SLC2A13: variants seen among roughly 807,000 people sequenced by gnomAD.
SLC2A13 encodes proton myo-inositol cotransporter.
A neutral mutation model predicts 64.4 loss-of-function variants in SLC2A13; 32 were observed. The ratio of observed to expected loss-of-function variants is 0.50; its 90% CI spans 0.37 to 0.67. The LOEUF is 0.67. SLC2A13 is among the 30% of genes least tolerant of loss of function. The pLI is 0.00. For synonymous variants in SLC2A13, 338 were observed against 327.1 expected, an observed-to-expected ratio of 1.03 and a Z score of -0.36; for missense variants, 743 against 829.2, an observed-to-expected ratio of 0.90 and a Z score of 1.28.
rs1025138650 is a variant in SLC2A13, at chr12:39,937,347, A to G, written c.1034+13910T>C. 5.9e-5 allele frequency among the ~76,000 whole-genome samples: 9 copies of G among 152,282 alleles called. No individual in the cohort carries two copies. In the East Asian group the frequency reaches 1.2e-3, roughly 20 times the overall value. The stretch of plus-strand genomic sequence containing the variant: ...TCTGGTCCCTGGCAGAGTGCCTGCT[A>G]CCTGTGTGTGTAAAGAGTGAATTAA... On this transcript the variant is annotated intron_variant, in intron 4 of 9. Coordinates refer to ENST00000280871, the MANE Select transcript of SLC2A13 (RefSeq NM_052885.4).
chr12:39,918,938 G>GCACACA (rs567663354), intron 4 of SLC2A13, among the ~76,000 whole-genome samples: 2 of 149,726 alleles, frequency 1.3e-5, no homozygotes, highest in South Asian at 2.1e-4. Flanking sequence ...TTATACACGC[G>GCACACA]CACACACACA....
chr12:40,031,991 A>G (rs144038396), intron 2 of SLC2A13, among the ~76,000 whole-genome samples: 55 of 152,276 alleles, frequency 3.6e-4, no homozygotes, highest in African/African-American at 1.3e-3. Flanking sequence ...TATTGATACA[A>G]GAGATCTCAT....
At chr12:39,890,987 T>G (rs1305920279) in intron 4 of SLC2A13, among the ~76,000 whole-genome samples, 2 of 152,158 alleles carry the variant, frequency 1.3e-5, no homozygotes, top group African/African-American at 4.8e-5. Context: ...GGTAAGATTA[T>G]GAATAATTTT....
intron 4 of SLC2A13, among the ~76,000 whole-genome samples, chr12:39,894,443 T>G (rs1014751878): frequency 2.0e-5 from 3 of 152,208 alleles, no homozygotes; most frequent in Admixed American, 1.3e-4. Context: ...CTAATACCTT[T>G]AATAAAAGGA....
intron 6 of SLC2A13, among the ~76,000 whole-genome samples, chr12:39,856,260 T>C: frequency 6.6e-6 from 1 of 152,192 alleles, no homozygotes; most frequent in African/African-American, 2.4e-5. Context: ...CATCCATCCA[T>C]TCATCCATCC....
intron 4 of SLC2A13, among the ~76,000 whole-genome samples, chr12:39,892,323 C>G (rs1944634396): frequency 2.0e-5 from 3 of 152,142 alleles, no homozygotes; most frequent in Admixed American, 2.0e-4. Context: ...AACAGCTGAG[C>G]TGACTTGTGT....
At chr12:40,100,706 G>A (rs1162616593) in intron 1 of SLC2A13, among the ~76,000 whole-genome samples, 1 of 152,144 alleles carries the variant, frequency 6.6e-6, no homozygotes, top group African/African-American at 2.4e-5. Context: ...GCTCACACCT[G>A]TAATCCCAGC....
At chr12:39,931,583 T>C (rs1469706132) in intron 4 of SLC2A13, among the ~76,000 whole-genome samples, 1 of 152,226 alleles carries the variant, frequency 6.6e-6, no homozygotes, top group Non-Finnish European at 1.5e-5. Flanking sequence ...GGAGGTTCTA[T>C]GATAGTAATG....
chr12:39,767,011 T>A (rs936738321), intron 7 of SLC2A13, among the ~76,000 whole-genome samples: 1 of 152,108 alleles, frequency 6.6e-6, no homozygotes, highest in Non-Finnish European at 1.5e-5. Flanking sequence ...CCTCCTCCCA[T>A]GAATCACGAA....
At chr12:40,094,442 G>C (rs1042427664) in intron 1 of SLC2A13, among the ~76,000 whole-genome samples, 9 of 152,206 alleles carry the variant, frequency 5.9e-5, no homozygotes, top group African/African-American at 2.2e-4. Flanking sequence ...ATGGGGGAAA[G>C]AGCAGCCTAC....
chr12:40,098,592 G>A (rs184859210), intron 1 of SLC2A13, among the ~76,000 whole-genome samples: 1 of 152,290 alleles, frequency 6.6e-6, no homozygotes, highest in Admixed American at 6.5e-5. Flanking sequence ...TCAGGGAGGA[G>A]TGAGTGAGTG....
chr12:39,929,900 G>A (rs1041785310), intron 4 of SLC2A13, among the ~76,000 whole-genome samples: 2 of 152,090 alleles, frequency 1.3e-5, no homozygotes. Flanking sequence ...GGATGCTGAG[G>A]AGGACGGATC....
At chr12:39,768,145 T>C (rs1232105897) in intron 7 of SLC2A13, among the ~76,000 whole-genome samples, 1 of 152,112 alleles carries the variant, frequency 6.6e-6, no homozygotes, top group African/African-American at 2.4e-5. Context: ...TTAAACCTCA[T>C]GAACCAACCT....
At position 40,018,524 on chromosome 12, in the gene SLC2A13, A is replaced by G. The variant is rs28370779; in HGVS notation, c.925+9777T>C. Among the ~76,000 whole-genome samples the G allele has an allele frequency of 7.5e-3, 1,147 of 152,328 alleles. 14 individuals are homozygous for G. The highest frequency in any genetic ancestry group is 0.026 in the African/African-American group (1,087 of 41,568). On this transcript the variant is annotated intron_variant, in intron 3 of 9. Coordinates refer to ENST00000280871, the MANE Select transcript of SLC2A13 (RefSeq NM_052885.4). ...TATTCTTGTGTAACACAATTAAAATAATACCAGCATCTATTGGACTAAGCA... is the reference window on the plus strand; with the variant it reads ...TATTCTTGTGTAACACAATTAAAATGATACCAGCATCTATTGGACTAAGCA...
intron 1 of SLC2A13, among the ~76,000 whole-genome samples, chr12:40,059,824 T>C (rs1948389145): frequency 6.6e-6 from 1 of 152,166 alleles, no homozygotes; most frequent in Non-Finnish European, 1.5e-5. Flanking sequence ...TTGACCCTTC[T>C]GTGTGGCATT....
Position 39,864,790 on chromosome 12 carries a change from C to T in SLC2A13, c.1291G>A (p.Gly431Ser). The T allele has an allele frequency of 1.2e-6, 2 of 1,613,938 alleles. No individual in the cohort carries two copies. Among genetic ancestry groups the T allele is most frequent in the South Asian group, 1.1e-5 (1 of 91,060 alleles). ...RITFKPIAPSGQNATCTRYSY... is the reference protein window; with the variant it reads ...RITFKPIAPSSQNATCTRYSY... ...TATCTTGTGCAAGTGGCGTTCTGACCTGACGGAGCTATTGGCTTAAAAGTG... is the reference window on the plus strand; with the variant it reads ...TATCTTGTGCAAGTGGCGTTCTGACTTGACGGAGCTATTGGCTTAAAAGTG... Residue 431 changes from glycine to serine, a missense_variant, in exon 6 of 10, where the codon GGT becomes AGT. Gly to Ser is a moderately conservative substitution (Grantham distance 56). Around this residue, in one of 2 missense-constraint regions of SLC2A13, gnomAD observed 295 missense variants for 381.7 expected, o/e 0.77. Coordinates refer to ENST00000280871, the MANE Select transcript of SLC2A13 (RefSeq NM_052885.4).
At chr12:39,896,824 A>G (rs1027581849) in intron 4 of SLC2A13, among the ~76,000 whole-genome samples, 1 of 152,150 alleles carries the variant, frequency 6.6e-6, no homozygotes, top group Non-Finnish European at 1.5e-5. Context: ...CATTCTGTCA[A>G]TAGTGTGACA....
intron 4 of SLC2A13, among the ~76,000 whole-genome samples, chr12:39,945,635 ATTCTGT>A (rs1159131398): frequency 6.6e-6 from 1 of 151,846 alleles, no homozygotes; most frequent in African/African-American, 2.4e-5. Flanking sequence ...TACTTGTTCA[ATTCTGT>A]TTCTGACACT....
At chr12:40,077,295 T>C (rs929605257) in intron 1 of SLC2A13, among the ~76,000 whole-genome samples, 20 of 152,212 alleles carry the variant, frequency 1.3e-4, no homozygotes, top group African/African-American at 4.8e-4. Flanking sequence ...GTTTTATGTT[T>C]AAGTCTTTGT....
Sources: allele counts gnomAD v4.1 joint callset (sites outside exome capture counted in the v4.1 genomes callset), GRCh38; gene constraint gnomAD v4.1.1; regional missense constraint gnomAD v4.1.1; transcripts MANE v1.5; gene names NCBI Gene and HGNC (gene_info 2026-07-23, HGNC 2026-07-21).